Variants in KIF6 observed in about 807,000 individuals in gnomAD.
KIF6 encodes kinesin family member 6, also known as kinesin-like protein KIF6.
KIF6 carries 106 observed loss-of-function variants against 112.7 expected under a neutral mutation model. The observed-to-expected ratio is 0.94, with a 90% confidence interval of 0.80 to 1.11. KIF6 has a LOEUF of 1.11. KIF6 is among the 50% of genes least tolerant of loss of function. The pLI is 0.00. For synonymous variants in KIF6, 339 were observed against 339.9 expected (o/e 1.00, Z 0.03); for missense variants, 929 against 964.0 (o/e 0.96, Z 0.48).
intron 13 of KIF6, among the ~76,000 whole-genome samples, chr6:39,440,917 A>G (rs551394317): frequency 1.5e-3 from 233 of 152,306 alleles, no homozygotes; most frequent in Non-Finnish European, 2.8e-3. Flanking sequence ...AGCTTTGACG[A>G]TGGAGAGCCA....
chr6:39,529,778 C>T (rs1277120927), intron 13 of KIF6, among the ~76,000 whole-genome samples: 2 of 151,732 alleles, frequency 1.3e-5, no homozygotes. Context: ...CAGAGCGAGA[C>T]TCCGTCTCAA....
chr6:39,440,056 G>A (rs567734940), intron 13 of KIF6, among the ~76,000 whole-genome samples: 1 of 152,106 alleles, frequency 6.6e-6, no homozygotes. Context: ...ATATTCACTC[G>A]CGTGGGGCCT....
rs1173712080 is a variant in KIF6 at position 39,714,649 on chromosome 6, T to A, written c.251+43A>T. ...AGTTATCTGAGAATTGAAGGCAACA[T>A]GAAAAACCACGAGCCCACTGAACAA... is the stretch of plus-strand genomic sequence containing the variant. On this transcript the variant is annotated intron_variant, in intron 3 of 22. Transcript: ENST00000287152. 3 of 1,388,040 alleles carry A rather than the reference T, an allele frequency of 2.2e-6. No individual in the cohort carries two copies. In the African/African-American group the frequency reaches 4.3e-5, roughly 20 times the overall value. 86.0% of individuals were successfully genotyped at this position (1,388,040 alleles called of 1,614,324 possible).
At chr6:39,610,161 G>A (rs1311987629) in intron 6 of KIF6, among the ~76,000 whole-genome samples, 1 of 152,130 alleles carries the variant, frequency 6.6e-6, no homozygotes, top group African/African-American at 2.4e-5. Flanking sequence ...GCGACTGGTG[G>A]ACTTGGATGC....
At chr6:39,408,927 C>T (rs550534164) in intron 15 of KIF6, among the ~76,000 whole-genome samples, 21 of 152,222 alleles carry the variant, frequency 1.4e-4, no homozygotes, top group African/African-American at 4.8e-4. Context: ...GAAGGCCTGT[C>T]CTCCCTTGAC....
At chr6:39,708,709 C>G (rs114130577) in intron 3 of KIF6, among the ~76,000 whole-genome samples, 224 of 152,280 alleles carry the variant, frequency 1.5e-3, no homozygotes, top group Non-Finnish European at 2.9e-3. Context: ...ATTCTGCAAA[C>G]TTGCAGATGT....
intron 13 of KIF6, among the ~76,000 whole-genome samples, chr6:39,464,623 C>T (rs189437143): frequency 2.0e-5 from 3 of 152,296 alleles, no homozygotes; most frequent in Admixed American, 6.5e-5. Context: ...CAGGCCATCG[C>T]CTGGCAGCTC....
chr6:39,389,482 C>T (rs564175783), intron 15 of KIF6, among the ~76,000 whole-genome samples: 73 of 152,286 alleles, frequency 4.8e-4, no homozygotes, highest in African/African-American at 1.7e-3. Flanking sequence ...GGAATATACA[C>T]ACTCGTAGAA....
At chr6:39,359,809 G>C (rs1757213468) in intron 18 of KIF6, among the ~76,000 whole-genome samples, 1 of 152,126 alleles carries the variant, frequency 6.6e-6, no homozygotes, top group South Asian at 2.1e-4. Context: ...ATGTTAACCA[G>C]GCTGGTCTTG....
At chr6:39,714,630 C>G in intron 3 of KIF6, 62 bp downstream of exon 3, 1 of 1,100,292 alleles carries the variant, frequency 9.1e-7, no homozygotes, top group Non-Finnish European at 1.4e-6. Context: ...CCACAGTTAT[C>G]TGAGAATTGA....
At chr6:39,553,456 T>C (rs1779509598) in intron 10 of KIF6, among the ~76,000 whole-genome samples, 1 of 152,216 alleles carries the variant, frequency 6.6e-6, no homozygotes, top group Admixed American at 6.5e-5. Context: ...AAATCCAGAC[T>C]GGTTTGCCTT....
At chr6:39,364,671 C>T (rs972681622) in intron 16 of KIF6, among the ~76,000 whole-genome samples, 1 of 151,760 alleles carries the variant, frequency 6.6e-6, no homozygotes, top group Non-Finnish European at 1.5e-5. Flanking sequence ...CCAAATTCTA[C>T]TAGGCACTGG....
intron 3 of KIF6, among the ~76,000 whole-genome samples, chr6:39,686,866 G>C (rs548146095): frequency 6.6e-5 from 10 of 152,250 alleles, no homozygotes; most frequent in African/African-American, 2.4e-4. Flanking sequence ...GTGTATACCT[G>C]AGACTAGTAT....
intron 10 of KIF6, among the ~76,000 whole-genome samples, chr6:39,563,543 G>T (rs1490351270): frequency 6.6e-6 from 1 of 152,118 alleles, no homozygotes; most frequent in African/African-American, 2.4e-5. Flanking sequence ...CATTGACATG[G>T]ATAACTGTTG....
At chr6:39,695,910 C>T (rs1340741469) in intron 3 of KIF6, among the ~76,000 whole-genome samples, 3 of 152,074 alleles carry the variant, frequency 2.0e-5, no homozygotes, top group Non-Finnish European at 2.9e-5. Context: ...TGCCCATCAA[C>T]GGTGGACTGG....
chr6:39,411,929 A>C (rs1769506253), intron 15 of KIF6, among the ~76,000 whole-genome samples: 1 of 152,212 alleles, frequency 6.6e-6, no homozygotes, highest in South Asian at 2.1e-4. Context: ...CACCATGGTA[A>C]ATAAATAAGT....
chr6:39,447,581 A>C (rs756794005), intron 13 of KIF6, among the ~76,000 whole-genome samples: 1 of 152,182 alleles, frequency 6.6e-6, no homozygotes, highest in Non-Finnish European at 1.5e-5. Context: ...GGAAGAGGAG[A>C]AAAGATAATC....
chr6:39,460,536 T>TAAAA (rs759528125), intron 13 of KIF6, among the ~76,000 whole-genome samples: 2 of 57,066 alleles, frequency 3.5e-5, no homozygotes, highest in African/African-American at 7.2e-5. Context: ...AAAAAAAAAG[T>TAAAA]AAAAAAAAAA....
intron 10 of KIF6, among the ~76,000 whole-genome samples, chr6:39,555,608 C>G (rs1215612316): frequency 6.6e-6 from 1 of 152,080 alleles, no homozygotes; most frequent in Non-Finnish European, 1.5e-5. Context: ...CACTCATTTC[C>G]ATTTATTCAT....
Sources: gnomAD v4.1 joint callset for allele counts (sites outside exome capture counted in the v4.1 genomes callset) on GRCh38, gnomAD v4.1.1 for gene constraint, MANE v1.5 for transcripts, NCBI Gene and HGNC (gene_info 2026-07-23, HGNC 2026-07-21) for gene names.